Variants in OCIAD2 observed in about 807,000 individuals in gnomAD.
OCIAD2 encodes OCIA domain-containing protein 2.
OCIAD2 carries 29 observed loss-of-function variants against 22.9 expected under a neutral mutation model. The ratio of observed to expected loss-of-function variants is 1.27; its 90% CI spans 0.94 to 1.73. The LOEUF is 1.73. Among genes scored for constraint, OCIAD2 ranks in the 40% most tolerant of loss-of-function variants. The pLI is 0.00. For synonymous variants in OCIAD2, 67 were observed against 60.2 expected, an observed-to-expected ratio of 1.11 and a Z score of -0.52; for missense variants, 189 against 180.3, an observed-to-expected ratio of 1.05 and a Z score of -0.28.
Position 48,885,530 on chromosome 4 carries a change from T to C in OCIAD2, c.419A>G (p.Lys140Arg), listed in dbSNP as rs1341693546. 1 of 1,611,326 alleles carries C rather than the reference T, an allele frequency of 6.2e-7. No individual in the cohort carries two copies. The highest frequency in any genetic ancestry group is 2.2e-5 in the East Asian group (1 of 44,890). ...GTCTCCCTTCTCACTTAATCCATGC[T>C]TTATTTTGCATTCCTCACAGGTAAG... ...CLLTCEECKI[K>R]HGLSEKGDSQ... is the part of the protein sequence containing the mutation. Residue 140 changes from lysine to arginine, a missense_variant, in exon 7 of 7, where the codon AAG becomes AGG. Physicochemically the swap from Lys to Arg is conservative, Grantham distance 26. Coordinates refer to ENST00000508632, the MANE Select transcript of OCIAD2 (RefSeq NM_001014446.3).
intron 2 of OCIAD2, among the ~76,000 whole-genome samples, chr4:48,901,562 T>C (rs1781419345): frequency 6.6e-6 from 1 of 152,208 alleles, no homozygotes; most frequent in African/African-American, 2.4e-5. Flanking sequence ...ATTATCCTGT[T>C]TGTACTTCTT....
At chr4:48,895,533 C>T (rs1225822137) in intron 4 of OCIAD2, among the ~76,000 whole-genome samples, 1 of 152,096 alleles carries the variant, frequency 6.6e-6, no homozygotes, top group Non-Finnish European at 1.5e-5. Flanking sequence ...TGAACACATC[C>T]TTTTTATAAG....
At chr4:48,898,129 C>T (rs532648352) in intron 3 of OCIAD2, among the ~76,000 whole-genome samples, 18 of 152,300 alleles carry the variant, frequency 1.2e-4, no homozygotes, top group East Asian at 5.8e-4. Context: ...TGCCAACATG[C>T]ACCAGATTCT....
Position 48,892,897 on chromosome 4 carries a change from A to G in OCIAD2, c.266-8T>C. The G allele has an allele frequency of 6.7e-7, 1 of 1,481,986 alleles. No individual in the cohort carries two copies. Among genetic ancestry groups the G allele is most frequent in the Non-Finnish European group, 9.4e-7 (1 of 1,066,052 alleles). 91.8% of individuals were successfully genotyped at this position (1,481,986 alleles called of 1,614,324 possible). ...ATCCCAAGAGACCAGCAACTGTAAA[A>G]GCAGGTTGGGAGAGATTAGTTGAGA... On this transcript the variant is annotated splice_polypyrimidine_tract_variant and splice_region_variant and intron_variant, in intron 5 of 6. Coordinates refer to ENST00000508632, the MANE Select transcript of OCIAD2 (RefSeq NM_001014446.3).
rs538434252 is a variant in OCIAD2, at chr4:48,887,861, C to T, written c.384-2296G>A. Among the ~76,000 whole-genome samples, 74 of 152,182 alleles carry T rather than the reference C, an allele frequency of 4.9e-4. 1 individual carries two copies. The highest frequency in any genetic ancestry group is 3.2e-4 in the Non-Finnish European group (22 of 68,004). ...CATATGAATTTTAAGGTAGTTTTTT[C>T]CAATTCTGTGAAGAAAGTCATTGGT... On this transcript the variant is annotated intron_variant, in intron 6 of 6. Coordinates refer to ENST00000508632, the MANE Select transcript of OCIAD2 (RefSeq NM_001014446.3).
chr4:48,898,068 C>T (rs1365728374), intron 3 of OCIAD2, among the ~76,000 whole-genome samples: 2 of 152,210 alleles, frequency 1.3e-5, no homozygotes, highest in Non-Finnish European at 2.9e-5. Context: ...TGAGGCACAG[C>T]ATTAATTTGA....
At chr4:48,890,113 G>T (rs191266897) in intron 6 of OCIAD2, among the ~76,000 whole-genome samples, 2 of 125,658 alleles carry the variant, frequency 1.6e-5, no homozygotes, top group Non-Finnish European at 1.6e-5. Context: ...TTGTGGGGTG[G>T]GGGGAGGGGG....
At chr4:48,900,718 T>C (rs1163842343) in intron 2 of OCIAD2, among the ~76,000 whole-genome samples, 1 of 150,672 alleles carries the variant, frequency 6.6e-6, no homozygotes, top group African/African-American at 2.4e-5. Flanking sequence ...CTGCAGACTC[T>C]ACCTTCCAGG....
At chr4:48,892,359 G>A (rs1781196265) in intron 6 of OCIAD2, among the ~76,000 whole-genome samples, 1 of 151,888 alleles carries the variant, frequency 6.6e-6, no homozygotes, top group South Asian at 2.1e-4. Context: ...CAGAGGTGAT[G>A]CCATTAACTC....
At chr4:48,896,511 C>G (rs753126115) in intron 4 of OCIAD2, among the ~76,000 whole-genome samples, 1 of 152,046 alleles carries the variant, frequency 6.6e-6, no homozygotes, top group Non-Finnish European at 1.5e-5. Flanking sequence ...GAGCGTCACT[C>G]GAGCCCAGGA....
At chr4:48,891,040 T>C (rs1272843112) in intron 6 of OCIAD2, among the ~76,000 whole-genome samples, 2 of 152,176 alleles carry the variant, frequency 1.3e-5, no homozygotes, top group African/African-American at 2.4e-5. Context: ...GCTCCAGCCA[T>C]AGGATGTATT....
chr4:48,896,774 A>T (rs1325361024), intron 4 of OCIAD2, among the ~76,000 whole-genome samples: 5 of 151,080 alleles, frequency 3.3e-5, no homozygotes, highest in Non-Finnish European at 7.4e-5. Flanking sequence ...TCTCATTTAA[A>T]AAAAAAAATA....
At chr4:48,893,642 T>C in intron 5 of OCIAD2, 1 of 161,820 alleles carries the variant, frequency 6.2e-6, no homozygotes. Flanking sequence ...TGCCAGTCCC[T>C]CTTAGTCCAT....
intron 4 of OCIAD2, among the ~76,000 whole-genome samples, chr4:48,894,343 CTT>C (rs941798481): frequency 6.6e-6 from 1 of 151,918 alleles, no homozygotes; most frequent in African/African-American, 2.4e-5. Context: ...AAATACAAAA[CTT>C]AGCCAGGCAT....
chr4:48,899,093 C>G (rs79599669), intron 3 of OCIAD2, among the ~76,000 whole-genome samples: 3,193 of 152,272 alleles, frequency 0.021, 40 homozygotes, highest in Middle Eastern at 0.037. Context: ...ATTTCTAAAA[C>G]AGGTGACACT....
intron 6 of OCIAD2, among the ~76,000 whole-genome samples, chr4:48,887,526 G>C (rs1212190560): frequency 6.6e-6 from 1 of 152,150 alleles, no homozygotes; most frequent in Non-Finnish European, 1.5e-5. Flanking sequence ...AAGGTATAAG[G>C]AAGGGATCCA....
chr4:48,892,153 T>C (rs1424903070), intron 6 of OCIAD2, among the ~76,000 whole-genome samples: 2 of 152,262 alleles, frequency 1.3e-5, no homozygotes, highest in African/African-American at 2.4e-5. Flanking sequence ...ACTTCTATAG[T>C]AGAAATAGCT....
intron 6 of OCIAD2, among the ~76,000 whole-genome samples, chr4:48,887,071 T>G (rs1049503032): frequency 2.6e-5 from 4 of 152,230 alleles, no homozygotes; most frequent in African/African-American, 9.6e-5. Flanking sequence ...TGGTTTTGAT[T>G]TGCATTTCTC....
chr4:48,886,016 A>G (rs1780976392), intron 6 of OCIAD2, among the ~76,000 whole-genome samples: 1 of 152,146 alleles, frequency 6.6e-6, no homozygotes, highest in African/African-American at 2.4e-5. Context: ...TATGTCCTGA[A>G]TGGTATTGCC....
Sources: gnomAD v4.1 joint callset for allele counts (sites outside exome capture counted in the v4.1 genomes callset) on GRCh38, gnomAD v4.1.1 for gene constraint, MANE v1.5 for transcripts, NCBI Gene and HGNC (gene_info 2026-07-23, HGNC 2026-07-21) for gene names.